HNF4G: variants seen among roughly 807,000 people sequenced by gnomAD.
The protein encoded by HNF4G is hepatocyte nuclear factor 4 gamma.
HNF4G carries 21 observed loss-of-function variants against 50.9 expected under a neutral mutation model. The ratio of observed to expected loss-of-function variants is 0.41; its 90% CI spans 0.29 to 0.59. The LOEUF is 0.59. HNF4G is among the 20% of genes least tolerant of loss of function. The probability of loss-of-function intolerance (pLI) is 0.26; values close to 1 mark genes in which losing one functional copy is unlikely to be tolerated. For missense variants in HNF4G, 527 were observed against 559.4 expected (o/e 0.94, Z 0.58); for synonymous variants, 198 against 185.6 (o/e 1.07, Z -0.54).
intron 2 of HNF4G, among the ~76,000 whole-genome samples, chr8:75,491,481 CTT>C (rs554884968): frequency 1.4e-5 from 2 of 144,388 alleles, no homozygotes; most frequent in Admixed American, 7.0e-5. Flanking sequence ...CTTTTCTTTC[CTT>C]TTTTTTTTTA....
At chr8:75,455,113 CAAAT>C (rs1350948197) in intron 1 of HNF4G, among the ~76,000 whole-genome samples, 3 of 152,058 alleles carry the variant, frequency 2.0e-5, no homozygotes, top group African/African-American at 4.8e-5. Context: ...AAAAATCAAA[CAAAT>C]AACTCATCTT....
chr8:75,442,783 T>C (rs1435792404), intron 1 of HNF4G, among the ~76,000 whole-genome samples: 1 of 152,004 alleles, frequency 6.6e-6, no homozygotes. Context: ...ATCATGACAA[T>C]ATAAAAACCT....
At chr8:75,462,316 A>G (rs573005502) in intron 1 of HNF4G, among the ~76,000 whole-genome samples, 13 of 152,330 alleles carry the variant, frequency 8.5e-5, no homozygotes, top group African/African-American at 2.6e-4. Flanking sequence ...GTAAAATAAG[A>G]TCAACTGTCA....
chr8:75,514,380 TTTG>T (rs1288768845), intron 2 of HNF4G, among the ~76,000 whole-genome samples: 5 of 150,084 alleles, frequency 3.3e-5, no homozygotes, highest in South Asian at 4.2e-4. Context: ...CTTTTTTTTT[TTTG>T]TTGTTGTTGT....
At position 75,551,373 on chromosome 8, in the gene HNF4G, G is replaced by GT. The variant is rs748456651; in HGVS notation, c.383-9dup. Reference sequence around the variant, plus strand: ...AAGAGAAGTGCTCAATAAATACTGTGTTTTTTCCCCCTAGCTGTACAAAAT... The same window carrying GT: ...AAGAGAAGTGCTCAATAAATACTGTGTTTTTTTCCCCCTAGCTGTACAAAAT... On this transcript the variant is annotated splice_polypyrimidine_tract_variant and intron_variant, in intron 3 of 9. Transcript: ENST00000396423. The GT allele has an allele frequency of 3.7e-5, 55 of 1,503,340 alleles. No homozygotes were observed. The Middle Eastern group carries it at 1.2e-3, about 33-fold the overall frequency. 93.1% of individuals were successfully genotyped at this position (1,503,340 alleles called of 1,614,324 possible).
chr8:75,546,878 T>C (rs1219876457), intron 2 of HNF4G, among the ~76,000 whole-genome samples: 8 of 152,172 alleles, frequency 5.3e-5, no homozygotes, highest in African/African-American at 1.9e-4. Flanking sequence ...TTTCTCTGCA[T>C]ACAGACCTAG....
At chr8:75,493,053 A>G (rs1481378207) in intron 2 of HNF4G, among the ~76,000 whole-genome samples, 1 of 152,082 alleles carries the variant, frequency 6.6e-6, no homozygotes, top group East Asian at 1.9e-4. Flanking sequence ...ACACATAAAT[A>G]TGTATGTAGT....
chr8:75,473,861 A>G (rs1271427326), intron 1 of HNF4G, among the ~76,000 whole-genome samples: 1 of 143,472 alleles, frequency 7.0e-6, no homozygotes, highest in African/African-American at 2.7e-5. Flanking sequence ...AGATGAGGTT[A>G]AAAAAAAAAA....
chr8:75,456,299 T>C (rs1811722197), intron 1 of HNF4G, among the ~76,000 whole-genome samples: 1 of 152,092 alleles, frequency 6.6e-6, no homozygotes, highest in Non-Finnish European at 1.5e-5. Flanking sequence ...CTACTAAGAA[T>C]GAAAACAAAA....
At chr8:75,553,754 C>T (rs1440548743) in intron 5 of HNF4G, among the ~76,000 whole-genome samples, 5 of 152,088 alleles carry the variant, frequency 3.3e-5, no homozygotes, top group Admixed American at 2.6e-4. Flanking sequence ...AAAAGAAAAA[C>T]ATCTGTAGAA....
intron 9 of HNF4G, among the ~76,000 whole-genome samples, 174 bp downstream of exon 9, chr8:75,560,640 A>G (rs145218671): frequency 1.3e-5 from 2 of 152,154 alleles, no homozygotes; most frequent in Admixed American, 1.3e-4. Context: ...CTCCCTAGAC[A>G]TAAGTTTGCT....
chr8:75,428,924 T>C (rs960503328), intron 1 of HNF4G, among the ~76,000 whole-genome samples: 2 of 152,152 alleles, frequency 1.3e-5, no homozygotes, highest in African/African-American at 4.8e-5. Flanking sequence ...CAAAAGTAGA[T>C]ACGGGAAGAC....
intron 1 of HNF4G, among the ~76,000 whole-genome samples, chr8:75,409,884 G>T (rs539379873): frequency 6.6e-6 from 1 of 151,988 alleles, no homozygotes; most frequent in Admixed American, 6.6e-5. Context: ...TAGAAAAAGA[G>T]CCCCCTCCCC....
intron 5 of HNF4G, among the ~76,000 whole-genome samples, chr8:75,554,868 G>T (rs2130807207): frequency 6.6e-6 from 1 of 152,298 alleles, no homozygotes; most frequent in South Asian, 2.1e-4. Flanking sequence ...GAGGACCAGA[G>T]AAGTTATTGC....
At chr8:75,482,394 C>A (rs1193894827) in intron 1 of HNF4G, among the ~76,000 whole-genome samples, 1 of 151,826 alleles carries the variant, frequency 6.6e-6, no homozygotes, top group African/African-American at 2.4e-5. Context: ...TAGAAGGAGT[C>A]TCTCTCTGTT....
chr8:75,425,062 CTATTTATTTATT>C lies in HNF4G; in HGVS notation c.-144+16930_-144+16941del, dbSNP rs71271860. Among the ~76,000 whole-genome samples, 27 of 142,636 alleles carry C rather than the reference CTATTTATTTATT, an allele frequency of 1.9e-4. 1 individual carries two copies. In the South Asian group the frequency reaches 2.3e-3, roughly 12 times the overall value. The allele number at this position is 142,636 out of a possible 152,430, so 93.6% of individuals were successfully genotyped here. On this transcript the variant is annotated intron_variant, in intron 1 of 10. Transcript: ENST00000354370. ...GCAGCTTCACCAACATCAATGCAGCCTATTTATTTATTTATTTATTTATTTATTTATTTATTT... is the reference window on the plus strand; with the variant it reads ...GCAGCTTCACCAACATCAATGCAGCCTATTTATTTATTTATTTATTTATTT...
At chr8:75,420,855 T>C (rs1171337270) in intron 1 of HNF4G, among the ~76,000 whole-genome samples, 3 of 152,146 alleles carry the variant, frequency 2.0e-5, no homozygotes, top group Non-Finnish European at 4.4e-5. Context: ...ACAAAATAAC[T>C]CTGACTCATT....
intron 6 of HNF4G, 22 bp from the exon 7 acceptor site, chr8:75,558,496 T>C: frequency 6.3e-7 from 1 of 1,595,528 alleles, no homozygotes. Context: ...TGTTTTGTTT[T>C]GTTTTGTTTT....
intron 1 of HNF4G, among the ~76,000 whole-genome samples, chr8:75,466,571 T>TCCTC (rs1811979525): frequency 1.8e-5 from 1 of 54,426 alleles, no homozygotes; most frequent in African/African-American, 7.2e-5. Context: ...CTTTTCTCGC[T>TCCTC]CCTTCCTTCC....
Sources: gnomAD v4.1 joint callset for allele counts (sites outside exome capture counted in the v4.1 genomes callset) on GRCh38, gnomAD v4.1.1 for gene constraint, MANE v1.5 for transcripts, NCBI Gene and HGNC (gene_info 2026-07-23, HGNC 2026-07-21) for gene names.